LIG1: variants seen among roughly 807,000 people sequenced by gnomAD.
LIG1 encodes the protein DNA ligase 1, also known as ligase I, DNA, ATP-dependent.
A neutral mutation model predicts 115.7 loss-of-function variants in LIG1; 70 were observed. That is an observed-to-expected ratio of 0.60 (90% CI 0.50 to 0.74). LIG1 has a LOEUF of 0.74. Among genes scored for constraint, LIG1 ranks in the 30% least tolerant of loss-of-function variants. LIG1 has a pLI of 0.00. For synonymous variants in LIG1, 487 were observed against 495.3 expected (o/e 0.98, Z 0.22); for missense variants, 1,115 against 1,225.6 (o/e 0.91, Z 1.35).
At chr19:48,135,838 T>C in intron 15 of LIG1, 59 bp from the exon 16 acceptor site, 9 of 1,456,674 alleles carry the variant, frequency 6.2e-6, no homozygotes, top group Non-Finnish European at 8.7e-6. Flanking sequence ...TACACCAGGG[T>C]GCAGTGGGTG....
chr19:48,160,332 G>A (rs1165620143), intron 4 of LIG1, among the ~76,000 whole-genome samples: 1 of 152,218 alleles, frequency 6.6e-6, no homozygotes, highest in Non-Finnish European at 1.5e-5. Context: ...GTGTATCTGG[G>A]AAAGAGAGTT....
rs201713810 is a variant in LIG1, at chr19:48,165,559, C to T, written c.8G>A (p.Arg3Gln). MQ[R>Q]SIMSFFHPKK... Reference sequence around the variant, plus strand: ...AAGGGAGGGTGCTCACATGATACTTCGCTGCATGTTGGCGTCAGAATTCTC... The same window carrying T: ...AAGGGAGGGTGCTCACATGATACTTTGCTGCATGTTGGCGTCAGAATTCTC... Residue 3 changes from arginine (R) to glutamine (Q), a missense_variant, in exon 2 of 28, where the codon CGA becomes CAA. Transcript: ENST00000263274. The T allele has an allele frequency of 2.9e-5, 46 of 1,612,778 alleles. No individual in the cohort carries two copies. The African/African-American group carries it at 4.0e-4, about 14-fold the overall frequency.
chr19:48,136,279 C>T lies in LIG1; in HGVS notation c.1332-154G>A, dbSNP rs190467288. On this transcript the variant is annotated intron_variant, in intron 14 of 27. Transcript: ENST00000263274. ...CCTGGAAGGGACCCCAGATATCACACAGCCCCATGTGACAGATGAGGAAAC... is the reference window on the plus strand; with the variant it reads ...CCTGGAAGGGACCCCAGATATCACATAGCCCCATGTGACAGATGAGGAAAC... 1.6e-3 allele frequency among the ~76,000 whole-genome samples: 249 copies of T among 152,324 alleles called. 2 individuals are homozygous for T. The highest frequency in any genetic ancestry group is 7.7e-4 in the East Asian group (4 of 5,176).
At chr19:48,143,438 G>A (rs1203228721) in intron 11 of LIG1, 105 bp downstream of exon 11, 3 of 1,081,974 alleles carry the variant, frequency 2.8e-6, no homozygotes, top group East Asian at 4.7e-5. Context: ...CGGGGTCAGA[G>A]GCCAAGTTGA....
intron 12 of LIG1, 81 bp downstream of exon 12, chr19:48,139,890 T>C: frequency 6.7e-7 from 1 of 1,497,300 alleles, no homozygotes; most frequent in Non-Finnish European, 9.3e-7. Context: ...CTCTCCACCA[T>C]CTCTCCGATC....
chr19:48,146,558 T>C (rs1458000094), intron 9 of LIG1, among the ~76,000 whole-genome samples: 1 of 152,206 alleles, frequency 6.6e-6, no homozygotes, highest in African/African-American at 2.4e-5. Flanking sequence ...CGCATGCCTG[T>C]AATCCCAGCT....
In LIG1 at chr19:48,115,684, C is replaced by A; in HGVS notation, c.2725G>T (p.Glu909Ter). Residue 909 changes from glutamate to a stop codon, truncating the protein, a stop_gained, in exon 28 of 28, where the codon GAG becomes TAG. Transcript: ENST00000263274. LOFTEE classifies it high-confidence loss of function. ...KQSQIQNQQG[E>*]DSGSDPEDTY ...TCTTCAGGGTCAGAGCCTGAGTCCT[C>A]GCCTTGTTGGTTCTGAATCTGACTT... The A allele has an allele frequency of 6.2e-7, 1 of 1,614,154 alleles. No individual in the cohort carries two copies. The highest frequency in any genetic ancestry group is 8.5e-7 in the Non-Finnish European group (1 of 1,179,982).
chr19:48,121,523 C>T (rs1024163384), intron 23 of LIG1, among the ~76,000 whole-genome samples: 5 of 152,150 alleles, frequency 3.3e-5, no homozygotes, highest in South Asian at 2.1e-4. Flanking sequence ...CAAATGGGGC[C>T]GGGCACGGTG....
intron 1 of LIG1, among the ~76,000 whole-genome samples, chr19:48,166,045 G>A (rs2036463803): frequency 6.6e-6 from 1 of 152,222 alleles, no homozygotes; most frequent in Non-Finnish European, 1.5e-5. Context: ...AAGGTATGCT[G>A]TTATTTCAAA....
chr19:48,135,506 G>A (rs2034321274), intron 16 of LIG1, among the ~76,000 whole-genome samples, 174 bp downstream of exon 16: 1 of 152,112 alleles, frequency 6.6e-6, no homozygotes, highest in Non-Finnish European at 1.5e-5. Flanking sequence ...CCATCCTTGT[G>A]TCAAGCACCA....
At position 48,122,350 on chromosome 19, in the gene LIG1, C is replaced by G. The variant is rs944145056; in HGVS notation, c.2232+584G>C. 1.8e-4 allele frequency: 30 copies of G among 162,470 alleles called. No homozygotes were observed. Among genetic ancestry groups the G allele is most frequent in the African/African-American group, 7.0e-4 (29 of 41,590 alleles). 10.1% of individuals were successfully genotyped at this position (162,470 alleles called of 1,614,324 possible). A position where few individuals can be genotyped will look rare whatever the true frequency, so the allele number is the denominator to read the frequency against. On this transcript the variant is annotated intron_variant, in intron 23 of 27. Transcript: ENST00000263274. The surrounding 1 kb of genome is among the most constrained non-coding windows in gnomAD (Gnocchi z 4.3). Reference sequence around the variant, plus strand: ...CTTCAAGAGGAAGATCCAGTTTTATCTCACAGTGGCCCCAGGTGCTGCCTC... The same window carrying G: ...CTTCAAGAGGAAGATCCAGTTTTATGTCACAGTGGCCCCAGGTGCTGCCTC...
At chr19:48,124,692 C>T (rs2033546524) in intron 21 of LIG1, among the ~76,000 whole-genome samples, 1 of 152,200 alleles carries the variant, frequency 6.6e-6, no homozygotes, top group Non-Finnish European at 1.5e-5. Flanking sequence ...TTTCTTCTTA[C>T]CTTTTAATAT....
intron 11 of LIG1, 133 bp from the exon 12 acceptor site, chr19:48,140,276 A>G (rs2034658899): frequency 3.0e-6 from 2 of 662,432 alleles, no homozygotes; most frequent in Non-Finnish European, 5.2e-6. Context: ...GAACAGTCCC[A>G]GGCTCTGGGG....
chr19:48,117,812 G>T, intron 25 of LIG1, 31 bp from the exon 26 acceptor site: 2 of 1,609,156 alleles, frequency 1.2e-6, no homozygotes, highest in Non-Finnish European at 1.7e-6. Context: ...GAGGAACAGA[G>T]GGTCTGGAAT....
chr19:48,124,161 G>A (rs908332279), intron 21 of LIG1, among the ~76,000 whole-genome samples: 2 of 152,216 alleles, frequency 1.3e-5, no homozygotes, highest in Non-Finnish European at 2.9e-5. Flanking sequence ...CTGTGATGAT[G>A]TTAAACTACC....
At chr19:48,138,020 G>A (rs1303970445) in intron 12 of LIG1, 1 of 436,062 alleles carries the variant, frequency 2.3e-6, no homozygotes, top group Non-Finnish European at 4.3e-6. Flanking sequence ...CACTAGGGAA[G>A]TGAGTGTGGA....
chr19:48,153,220 A>G (rs1454539678), intron 6 of LIG1, among the ~76,000 whole-genome samples: 2 of 151,478 alleles, frequency 1.3e-5, no homozygotes, highest in African/African-American at 4.8e-5. Flanking sequence ...AAAAGCACAA[A>G]TATTACTTTT....
chr19:48,133,963 C>A lies in LIG1; in HGVS notation c.1609+18G>T. On this transcript the variant is annotated intron_variant, in intron 17 of 27. Coordinates refer to ENST00000263274, the MANE Select transcript of LIG1 (RefSeq NM_000234.3). ...GCAGGGCTGCTGCCAGGCTGGTGAGCGCCCCTGGGGCCTGTACCTGGGCTC... is the reference window on the plus strand; with the variant it reads ...GCAGGGCTGCTGCCAGGCTGGTGAGAGCCCCTGGGGCCTGTACCTGGGCTC... The A allele has an allele frequency of 1.9e-6, 3 of 1,548,746 alleles. No individual in the cohort carries two copies. The highest frequency in any genetic ancestry group is 2.6e-6 in the Non-Finnish European group (3 of 1,144,196).
At chr19:48,142,442 C>CAAAAAAAAAAAAAAAACA (rs561137392) in intron 11 of LIG1, among the ~76,000 whole-genome samples, 1 of 75,604 alleles carries the variant, frequency 1.3e-5, no homozygotes, top group Non-Finnish European at 2.6e-5. Flanking sequence ...GACTCCATCT[C>CAAAAAAAAAAAAAAAACA]AAAAAAAAAA....
Sources: allele counts gnomAD v4.1 joint callset (sites outside exome capture counted in the v4.1 genomes callset), GRCh38; gene constraint gnomAD v4.1.1; non-coding constraint Gnocchi (gnomAD v3.1); transcripts MANE v1.5; gene names NCBI Gene and HGNC (gene_info 2026-07-23, HGNC 2026-07-21).